The following NYAP2 variants were observed in gnomAD, a reference collection of about 807,000 sequenced individuals.
NYAP2 encodes neuronal tyrosine-phosphorylated phosphoinositide-3-kinase adaptor 2, also known as neuronal tyrosine-phosphorylated phosphoinositide-3-kinase adapter 2.
In NYAP2, 23 loss-of-function variants were observed where a neutral mutation model predicts 50.4. That is an observed-to-expected ratio of 0.46 (90% CI 0.33 to 0.65). The LOEUF (loss-of-function observed/expected upper bound fraction) is 0.65. Among genes scored for constraint, NYAP2 ranks in the 30% least tolerant of loss-of-function variants. The pLI, the probability that NYAP2 is intolerant of heterozygous loss-of-function variation, is 0.02. For synonymous variants in NYAP2, 394 were observed against 365.2 expected (o/e 1.08, Z -0.90); for missense variants, 885 against 861.0 (o/e 1.03, Z -0.35).
the NYAP2 span, among the ~76,000 whole-genome samples, chr2:225,671,142 A>G: frequency 6.6e-6 from 1 of 152,066 alleles, no homozygotes; most frequent in African/African-American, 2.4e-5. Flanking sequence ...TTCCTTTTAC[A>G]AAAGATTCCT....
At chr2:225,560,090 C>T (rs1267018890) in intron 4 of NYAP2, among the ~76,000 whole-genome samples, 3 of 151,970 alleles carry the variant, frequency 2.0e-5, no homozygotes, top group Non-Finnish European at 4.4e-5. Flanking sequence ...AAAGAATAGC[C>T]ATTACCCACC....
the NYAP2 span, among the ~76,000 whole-genome samples, chr2:225,673,221 GC>G: frequency 1.3e-5 from 2 of 151,996 alleles, no homozygotes; most frequent in Non-Finnish European, 2.9e-5. Context: ...GGAAAGACCT[GC>G]CCCCATGCTT....
intron 3 of NYAP2, among the ~76,000 whole-genome samples, chr2:225,485,239 A>T (rs2106167481): frequency 6.6e-6 from 1 of 152,306 alleles, no homozygotes; most frequent in Admixed American, 6.5e-5. Flanking sequence ...CCACCATGTA[A>T]GACATGACTT....
At chr2:225,409,214 C>G in intron 3 of NYAP2, 113 bp downstream of exon 3, 1 of 735,198 alleles carries the variant, frequency 1.4e-6, no homozygotes, top group East Asian at 2.7e-5. Context: ...GTCAGTTAGA[C>G]TTGGTGAGAG....
chr2:225,703,323 T>A, the NYAP2 span: 1 of 151,788 alleles, frequency 6.6e-6, no homozygotes. Context: ...GAATGTCATA[T>A]TGCATTTTTC....
intron 4 of NYAP2, among the ~76,000 whole-genome samples, chr2:225,557,300 T>C (rs990773362): frequency 6.6e-6 from 1 of 152,198 alleles, no homozygotes; most frequent in Admixed American, 6.5e-5. Context: ...CATCCTTTCA[T>C]AAATTATTTA....
At chr2:225,440,702 G>T (rs1190586512) in intron 3 of NYAP2, among the ~76,000 whole-genome samples, 1 of 152,108 alleles carries the variant, frequency 6.6e-6, no homozygotes, top group Non-Finnish European at 1.5e-5. Context: ...ATGGAGAAGA[G>T]CAAAAAAATA....
intron 2 of NYAP2, among the ~76,000 whole-genome samples, chr2:225,402,463 G>C (rs1384721818): frequency 6.6e-6 from 1 of 151,986 alleles, no homozygotes; most frequent in Admixed American, 6.6e-5. Context: ...TCAGCCACTG[G>C]CATTTTGCAT....
chr2:225,500,904 G>C (rs939057542), intron 3 of NYAP2, among the ~76,000 whole-genome samples: 2 of 152,130 alleles, frequency 1.3e-5, no homozygotes, highest in African/African-American at 4.8e-5. Context: ...GGAGAATAGA[G>C]ATTTTGCAAA....
chr2:225,557,324 A>C (rs988421258), intron 4 of NYAP2, among the ~76,000 whole-genome samples: 1 of 152,126 alleles, frequency 6.6e-6, no homozygotes, highest in African/African-American at 2.4e-5. Flanking sequence ...CTTGCCTTCT[A>C]TGTGTCAAGC....
chr2:225,560,933 G>GTTTT lies in NYAP2; in HGVS notation c.524-20996_524-20993dup, dbSNP rs34298369. On this transcript the variant is annotated intron_variant, in intron 4 of 6. Coordinates refer to ENST00000636099, the Ensembl canonical transcript of NYAP2. ...AGGCAACAAAGGACCTTTCCAAAAC[G>GTTTT]TTTTTTTTTTTTTTTGGTGGCTTCT... Among the ~76,000 whole-genome samples, 32 of 136,438 alleles carry GTTTT rather than the reference G, an allele frequency of 2.3e-4. 1 individual carries two copies. The highest frequency in any genetic ancestry group is 9.7e-4 in the Admixed American group (13 of 13,356). The allele number at this position is 136,438 out of a possible 152,430, so 89.5% of individuals were successfully genotyped here.
chr2:225,449,453 C>T (rs763266786), intron 3 of NYAP2, among the ~76,000 whole-genome samples: 29 of 152,114 alleles, frequency 1.9e-4, no homozygotes, highest in Admixed American at 1.6e-3. Context: ...TTGCAAAAAC[C>T]GCAGTGAAGA....
At chr2:225,589,899 T>A (rs907232552) in intron 5 of NYAP2, among the ~76,000 whole-genome samples, 1 of 152,084 alleles carries the variant, frequency 6.6e-6, no homozygotes, top group Non-Finnish European at 1.5e-5. Context: ...ATCCTCAGCC[T>A]GTGACTGCCC....
intron 4 of NYAP2, among the ~76,000 whole-genome samples, chr2:225,532,783 C>T (rs761984699): frequency 5.9e-5 from 9 of 152,094 alleles, no homozygotes; most frequent in Admixed American, 1.3e-4. Flanking sequence ...TGCTACTAGC[C>T]AAAGTTTAAA....
At chr2:225,596,301 A>C (rs1197781674) in intron 5 of NYAP2, among the ~76,000 whole-genome samples, 1 of 152,176 alleles carries the variant, frequency 6.6e-6, no homozygotes, top group Non-Finnish European at 1.5e-5. Flanking sequence ...CATTTTTATG[A>C]AAAAGTTCTT....
chr2:225,532,390 A>T (rs115781001), intron 4 of NYAP2, among the ~76,000 whole-genome samples: 1 of 152,206 alleles, frequency 6.6e-6, no homozygotes, highest in African/African-American at 2.4e-5. Context: ...TTTCTATTAT[A>T]TGAATTGCTA....
At chr2:225,471,170 C>T (rs1401929006) in intron 3 of NYAP2, among the ~76,000 whole-genome samples, 1 of 152,218 alleles carries the variant, frequency 6.6e-6, no homozygotes, top group Non-Finnish European at 1.5e-5. Flanking sequence ...ACCATGTCTG[C>T]ATTACTGCAT....
At chr2:225,520,076 A>C (rs1361168866) in intron 4 of NYAP2, among the ~76,000 whole-genome samples, 1 of 152,186 alleles carries the variant, frequency 6.6e-6, no homozygotes, top group African/African-American at 2.4e-5. Flanking sequence ...TCTTCTTTTG[A>C]GAAGTGTCTG....
chr2:225,444,025 A>G (rs1014962793), intron 3 of NYAP2, among the ~76,000 whole-genome samples: 2 of 152,330 alleles, frequency 1.3e-5, no homozygotes, highest in African/African-American at 2.4e-5. Context: ...AATGATCTCA[A>G]TGGGCATTTC....
Sources: allele counts gnomAD v4.1 joint callset (sites outside exome capture counted in the v4.1 genomes callset), GRCh38; gene constraint gnomAD v4.1.1; transcripts MANE v1.5; gene names NCBI Gene and HGNC (gene_info 2026-07-23, HGNC 2026-07-21).